Variants in ARHGAP39 observed in about 807,000 individuals in gnomAD.
The protein encoded by ARHGAP39 is Rho GTPase activating protein 39.
ARHGAP39 carries 44 observed loss-of-function variants against 106.9 expected under a neutral mutation model. The ratio of observed to expected loss-of-function variants is 0.41; its 90% CI spans 0.32 to 0.53. The LOEUF (loss-of-function observed/expected upper bound fraction) is 0.53. ARHGAP39 is among the 20% of genes least tolerant of loss of function. ARHGAP39 has a pLI of 0.21. For missense variants in ARHGAP39, 1,496 were observed against 1,577.3 expected (o/e 0.95, Z 0.87); for synonymous variants, 768 against 693.2 (o/e 1.11, Z -1.69).
intron 1 of ARHGAP39, among the ~76,000 whole-genome samples, chr8:144,656,976 T>C (rs554962401): frequency 6.6e-6 from 1 of 152,218 alleles, no homozygotes; most frequent in East Asian, 1.9e-4. Flanking sequence ...GATAACTTGA[T>C]AGCCAATGTA....
intron 2 of ARHGAP39, among the ~76,000 whole-genome samples, chr8:144,590,331 T>C (rs1819344289): frequency 6.6e-6 from 1 of 152,230 alleles, no homozygotes; most frequent in Admixed American, 6.5e-5. Context: ...CACGTTGAGA[T>C]GTGATCCCCA....
chr8:144,597,235 C>T (rs568114692), intron 2 of ARHGAP39, among the ~76,000 whole-genome samples: 20 of 152,290 alleles, frequency 1.3e-4, no homozygotes, highest in African/African-American at 4.1e-4. Context: ...TCTGTGAGGA[C>T]GTGGGGAGGC....
Position 144,581,306 on chromosome 8 carries a change from G to A in ARHGAP39, c.81-29C>T, listed in dbSNP as rs939028230. On this transcript the variant is annotated intron_variant, in intron 2 of 11. Transcript: ENST00000377307. The stretch of plus-strand genomic sequence containing the variant: ...GGGAGAGACAGGGTTAAGGCGGCTG[G>A]AGCCACGGCGGCCTGGGCCCGCGCC... The A allele has an allele frequency of 6.0e-6, 9 of 1,512,586 alleles. No homozygotes were observed. In the Admixed American group the frequency reaches 8.2e-5, roughly 14 times the overall value. The allele number at this position is 1,512,586 out of a possible 1,614,324, so 93.7% of individuals were successfully genotyped here.
chr8:144,654,229 G>C (rs1238408607), intron 1 of ARHGAP39, among the ~76,000 whole-genome samples: 5 of 152,184 alleles, frequency 3.3e-5, no homozygotes, highest in Admixed American at 6.5e-5. Context: ...GTGAGGCCAG[G>C]CACAGTGGCT....
intron 1 of ARHGAP39, among the ~76,000 whole-genome samples, chr8:144,619,520 G>C (rs1439195773): frequency 6.6e-6 from 1 of 152,042 alleles, no homozygotes; most frequent in African/African-American, 2.4e-5. Flanking sequence ...CTGAGAAAGC[G>C]TGTGTGCCTG....
intron 1 of ARHGAP39, among the ~76,000 whole-genome samples, chr8:144,663,696 C>T (rs558744900): frequency 6.6e-5 from 10 of 152,122 alleles, no homozygotes; most frequent in Admixed American, 2.6e-4. Context: ...TCAGGCAGGC[C>T]CTTCATCTCT....
chr8:144,565,517 C>T (rs367880668), intron 3 of ARHGAP39, among the ~76,000 whole-genome samples: 1 of 151,814 alleles, frequency 6.6e-6, no homozygotes, highest in Non-Finnish European at 1.5e-5. Flanking sequence ...GGCGAAACCC[C>T]GTCTCTACTA....
At chr8:144,572,354 C>A (rs2130885886) in intron 3 of ARHGAP39, among the ~76,000 whole-genome samples, 1 of 152,252 alleles carries the variant, frequency 6.6e-6, no homozygotes, top group Non-Finnish European at 1.5e-5. Context: ...TTTGACAAAC[C>A]TTACAAAAAC....
In ARHGAP39 at chr8:144,671,063, G is replaced by A. The variant is rs980354555; in HGVS notation, c.-82+14623C>T. 2.6e-5 allele frequency among the ~76,000 whole-genome samples: 4 copies of A among 152,150 alleles called. No individual in the cohort carries two copies. Among genetic ancestry groups the A allele is most frequent in the Non-Finnish European group, 2.9e-5 (2 of 68,040 alleles). ...GCCTCAGGGCCGCCAAGCTTCTCCC[G>A]AAACCCAACCAGGGCCCTTCACATA... On this transcript the variant is annotated intron_variant, in intron 1 of 11. Coordinates refer to ENST00000377307, the MANE Select transcript of ARHGAP39 (RefSeq NM_025251.3). The surrounding 1 kb of genome is among the most constrained non-coding windows in gnomAD (Gnocchi z 4.5).
the ARHGAP39 span, chr8:144,698,893 G>A: frequency 2.2e-6 from 1 of 455,870 alleles, no homozygotes; most frequent in South Asian, 1.5e-5. Flanking sequence ...TCCCTTGGGG[G>A]GGTTGGGGGG....
At chr8:144,669,490 G>A (rs551315950) in intron 1 of ARHGAP39, among the ~76,000 whole-genome samples, 2 of 98,960 alleles carry the variant, frequency 2.0e-5, no homozygotes, top group African/African-American at 9.5e-5. Context: ...CTGGATGATA[G>A]GGCGAGACTC....
Position 144,604,893 on chromosome 8 carries a change from A to AG in ARHGAP39, c.80+641dup, listed in dbSNP as rs1820225378. Among the ~76,000 whole-genome samples, 1 of 152,234 alleles carries AG rather than the reference A, an allele frequency of 6.6e-6. No individual in the cohort carries two copies. The highest frequency in any genetic ancestry group is 2.1e-4 in the South Asian group (1 of 4,832). On this transcript the variant is annotated intron_variant, in intron 2 of 11. Coordinates refer to ENST00000377307, the MANE Select transcript of ARHGAP39 (RefSeq NM_025251.3). This position sits in a 1 kb window ranked among gnomAD's most constrained non-coding sequence, Gnocchi z 4.1. ...ATGCTAGCCACAGGGTCTCTGGGCAAGGGCACTCGAGCACTCATGGGGCTG... is the reference window on the plus strand; with the variant it reads ...ATGCTAGCCACAGGGTCTCTGGGCAAGGGGCACTCGAGCACTCATGGGGCTG...
chr8:144,536,315 C>T (rs1433639603), intron 7 of ARHGAP39, among the ~76,000 whole-genome samples: 1 of 152,130 alleles, frequency 6.6e-6, no homozygotes. Flanking sequence ...AGCTACAGGA[C>T]CAGGTCACAG....
At chr8:144,587,225 G>C (rs1437239906) in intron 2 of ARHGAP39, among the ~76,000 whole-genome samples, 2 of 152,200 alleles carry the variant, frequency 1.3e-5, no homozygotes, top group Non-Finnish European at 2.9e-5. Flanking sequence ...TGCAGCATGA[G>C]AACAGGCTAA....
rs1162025075 is a variant in ARHGAP39 at position 144,679,379 on chromosome 8, T to C, written c.-82+6307A>G. Among the ~76,000 whole-genome samples the C allele has an allele frequency of 6.6e-6, 1 of 152,010 alleles. No individual in the cohort carries two copies. The highest frequency in any genetic ancestry group is 1.5e-5 in the Non-Finnish European group (1 of 67,952). ...GGAAAAGACACTAGGTTTCTGCCACTCTCTTGCCATAAAAACAGCATGTGC... is the reference window on the plus strand; with the variant it reads ...GGAAAAGACACTAGGTTTCTGCCACCCTCTTGCCATAAAAACAGCATGTGC... On this transcript the variant is annotated intron_variant, in intron 1 of 11. Coordinates refer to ENST00000377307, the MANE Select transcript of ARHGAP39 (RefSeq NM_025251.3). This position sits in a 1 kb window ranked among gnomAD's most constrained non-coding sequence, Gnocchi z 4.7.
intron 1 of ARHGAP39, among the ~76,000 whole-genome samples, chr8:144,668,940 G>T (rs1363958572): frequency 6.6e-6 from 1 of 152,094 alleles, no homozygotes; most frequent in African/African-American, 2.4e-5. Context: ...CCATAATTAA[G>T]ACAGCGTGGC....
intron 2 of ARHGAP39, 90 bp downstream of exon 2, chr8:144,605,445 C>A: frequency 7.3e-7 from 1 of 1,363,184 alleles, no homozygotes; most frequent in South Asian, 1.2e-5. Flanking sequence ...CACGGAGAAT[C>A]CTGCATGCAC....
chr8:144,618,121 T>TAA (rs1820687045), intron 1 of ARHGAP39, among the ~76,000 whole-genome samples: 1 of 152,188 alleles, frequency 6.6e-6, no homozygotes, highest in Non-Finnish European at 1.5e-5. Context: ...TTTTAATTTT[T>TAA]ATTAGGTGGT....
intron 1 of ARHGAP39, among the ~76,000 whole-genome samples, chr8:144,673,763 G>A (rs1427272256): frequency 3.3e-5 from 5 of 152,158 alleles, no homozygotes; most frequent in East Asian, 1.9e-4. Context: ...TCACACTACC[G>A]GCCCAGATCC....
Sources: gnomAD v4.1 joint callset for allele counts (sites outside exome capture counted in the v4.1 genomes callset) on GRCh38, gnomAD v4.1.1 for gene constraint, Gnocchi (gnomAD v3.1) non-coding constraint, MANE v1.5 for transcripts, NCBI Gene and HGNC (gene_info 2026-07-23, HGNC 2026-07-21) for gene names.